The following PDCL3 variants were observed in gnomAD, a reference collection of about 807,000 sequenced individuals.
PDCL3 encodes the protein phosducin-like protein 3.
In PDCL3, 22 loss-of-function variants were observed where a neutral mutation model predicts 26.5. That is an observed-to-expected ratio of 0.83 (90% CI 0.59 to 1.19). The LOEUF is 1.19. PDCL3 is among the 50% of genes most tolerant of loss of function. The pLI is 0.00. For synonymous variants in PDCL3, 81 were observed against 104.9 expected (o/e 0.77, Z 1.39); for missense variants, 246 against 294.1 (o/e 0.84, Z 1.20).
chr2:100,566,945 G>A (rs565901277), intron 2 of PDCL3, among the ~76,000 whole-genome samples: 1 of 152,284 alleles, frequency 6.6e-6, no homozygotes, highest in African/African-American at 2.4e-5. Flanking sequence ...GTATTTTCCT[G>A]AGCATATACT....
At chr2:100,563,113 G>C (rs770026553) in intron 1 of PDCL3, 40 bp downstream of exon 1, 5 of 1,586,752 alleles carry the variant, frequency 3.2e-6, no homozygotes, top group South Asian at 1.2e-5. Flanking sequence ...GCTGCGGCCC[G>C]TTCCTTTGTC....
intron 1 of PDCL3, 80 bp downstream of exon 1, chr2:100,563,153 C>T (rs1364172711): frequency 6.6e-7 from 1 of 1,508,046 alleles, no homozygotes; most frequent in Non-Finnish European, 8.9e-7. Context: ...AGTGGACGCC[C>T]GCCCTGGGGG....
intron 5 of PDCL3, among the ~76,000 whole-genome samples, chr2:100,572,346 G>A (rs1675194436): frequency 6.6e-6 from 1 of 151,760 alleles, no homozygotes; most frequent in Admixed American, 6.6e-5. Context: ...CAAGTATCTG[G>A]GATTACTGGC....
chr2:100,575,358 A>G lies in PDCL3; in HGVS notation c.578-996A>G, dbSNP rs574282620. Among the ~76,000 whole-genome samples the G allele has an allele frequency of 1.0e-3, 157 of 152,234 alleles. No homozygotes were observed. The Middle Eastern group carries it at 0.017, about 16-fold the overall frequency. ...CACCGTGTTAGCCAGGATGGTCTCG[A>G]TCTCCAGACTTCGTGATCCGCCCAC... is the stretch of plus-strand genomic sequence containing the variant. On this transcript the variant is annotated intron_variant, in intron 5 of 5. Transcript: ENST00000264254.
chr2:100,563,150 GC>G (rs1445913900), intron 1 of PDCL3, 77 bp downstream of exon 1: 1 of 1,517,778 alleles, frequency 6.6e-7, no homozygotes. Context: ...GGCAGTGGAC[GC>G]CCGCCCTGGG....
intron 5 of PDCL3, 132 bp from the exon 6 acceptor site, chr2:100,576,222 G>T: frequency 1.1e-6 from 1 of 935,984 alleles, no homozygotes; most frequent in East Asian, 2.8e-5. Context: ...GATTACAGGC[G>T]TGAGCCATTG....
chr2:100,571,408 C>T (rs1311359964), intron 4 of PDCL3, among the ~76,000 whole-genome samples, 182 bp from the exon 5 acceptor site: 3 of 152,126 alleles, frequency 2.0e-5, no homozygotes, highest in Non-Finnish European at 4.4e-5. Flanking sequence ...CCACTTCACT[C>T]CATTTAGCCT....
intron 1 of PDCL3, among the ~76,000 whole-genome samples, chr2:100,565,632 G>A (rs1207730565): frequency 2.6e-5 from 4 of 152,058 alleles, no homozygotes; most frequent in Non-Finnish European, 5.9e-5. Context: ...ACCCTCAGAC[G>A]GAATGTCACC....
Position 100,569,601 on chromosome 2 carries a change from A to AAGC in PDCL3, c.250_252dup (p.Ala84dup), listed in dbSNP as rs1191161914. On this transcript the variant is annotated inframe_insertion, in exon 4 of 6. Coordinates refer to ENST00000264254, the MANE Select transcript of PDCL3 (RefSeq NM_024065.5). ...AGACGGCGGAGACTGGCTGAGTGGA[A>AAGC]AGCAACTAAACTGAAGAATAAATTC... The AAGC allele has an allele frequency of 6.2e-7, 1 of 1,613,528 alleles. No homozygotes were observed. Among genetic ancestry groups the AAGC allele is most frequent in the East Asian group, 2.2e-5 (1 of 44,878 alleles).
chr2:100,566,139 G>A (rs968030015), intron 1 of PDCL3, among the ~76,000 whole-genome samples: 2 of 152,078 alleles, frequency 1.3e-5, no homozygotes, highest in South Asian at 2.1e-4. Flanking sequence ...TCCTGACCTC[G>A]TGATCCGCCT....
At position 100,563,204 on chromosome 2, in the gene PDCL3, C is replaced by A. The variant is rs1476820306; in HGVS notation, c.6+131C>A. 3.3e-6 allele frequency: 4 copies of A among 1,197,768 alleles called. No homozygotes were observed. In the Admixed American group the frequency reaches 1.2e-4, roughly 36 times the overall value. The allele number at this position is 1,197,768 out of a possible 1,614,324, so 74.2% of individuals were successfully genotyped here. ...AGGCACGAGGGAGGCCCGGCGCGTC[C>A]AGGCCCTGCGCAGGCGCAGTGCGGG... On this transcript the variant is annotated intron_variant, in intron 1 of 5. Transcript: ENST00000264254.
At chr2:100,574,241 A>G (rs935401200) in intron 5 of PDCL3, among the ~76,000 whole-genome samples, 5 of 151,952 alleles carry the variant, frequency 3.3e-5, no homozygotes, top group African/African-American at 7.3e-5. Flanking sequence ...ACCTCAAGTG[A>G]TAAGTGATCC....
chr2:100,573,836 G>A (rs926727037), intron 5 of PDCL3, among the ~76,000 whole-genome samples: 81 of 152,064 alleles, frequency 5.3e-4, no homozygotes, highest in Non-Finnish European at 5.9e-5. Context: ...TTTTTTGAAT[G>A]TACCATGAGG....
At chr2:100,566,709 A>G in intron 2 of PDCL3, 80 bp downstream of exon 2, 1 of 1,575,588 alleles carries the variant, frequency 6.3e-7, no homozygotes, top group Non-Finnish European at 8.6e-7. Context: ...GCCAGGAGAC[A>G]GGTTGGAGTG....
chr2:100,563,285 C>T, intron 1 of PDCL3: 1 of 521,540 alleles, frequency 1.9e-6, no homozygotes, highest in Non-Finnish European at 3.3e-6. Flanking sequence ...CTCGGTGTGC[C>T]GGGTCCCCCA....
intron 4 of PDCL3, 55 bp downstream of exon 4, chr2:100,569,776 G>A (rs1197747352): frequency 6.3e-7 from 1 of 1,575,018 alleles, no homozygotes; most frequent in East Asian, 2.3e-5. Flanking sequence ...TATGTCTTCA[G>A]GATCTCAGGC....
chr2:100,574,925 G>A (rs1240175557), intron 5 of PDCL3, among the ~76,000 whole-genome samples: 1 of 152,122 alleles, frequency 6.6e-6, no homozygotes, highest in Non-Finnish European at 1.5e-5. Flanking sequence ...AACATAGCGA[G>A]ATCCCATGTC....
At chr2:100,574,822 C>T (rs912893336) in intron 5 of PDCL3, among the ~76,000 whole-genome samples, 2 of 152,198 alleles carry the variant, frequency 1.3e-5, no homozygotes, top group African/African-American at 4.8e-5. Flanking sequence ...TAAAATTCAA[C>T]TGAGCACGTT....
chr2:100,571,549 T>C (rs773591660), intron 4 of PDCL3, 41 bp from the exon 5 acceptor site: 9 of 1,576,908 alleles, frequency 5.7e-6, no homozygotes, highest in Non-Finnish European at 6.1e-6. Context: ...TGTATAAATG[T>C]AGGATCATAA....
Sources: gnomAD v4.1 joint callset for allele counts (sites outside exome capture counted in the v4.1 genomes callset) on GRCh38, gnomAD v4.1.1 for gene constraint, MANE v1.5 for transcripts, NCBI Gene and HGNC (gene_info 2026-07-23, HGNC 2026-07-21) for gene names.